SELENON: variants seen among roughly 807,000 people sequenced by gnomAD.
SELENON encodes selenoprotein N, 1.
In SELENON, 44 loss-of-function variants were observed where a neutral mutation model predicts 59.5. The observed-to-expected ratio is 0.74, with a 90% confidence interval of 0.58 to 0.95. The LOEUF (loss-of-function observed/expected upper bound fraction) is 0.95. SELENON is among the 40% of genes least tolerant of loss of function. SELENON has a pLI of 0.00. For synonymous variants in SELENON, 320 were observed against 305.6 expected (o/e 1.05, Z -0.49); for missense variants, 674 against 721.4 (o/e 0.93, Z 0.75).
intron 5 of SELENON, 78 bp downstream of exon 4, chr1:25,808,867 C>G: frequency 6.3e-7 from 1 of 1,585,378 alleles, no homozygotes; most frequent in Non-Finnish European, 8.7e-7. Flanking sequence ...GCGCCTGGAC[C>G]CCAGTGCCAG....
intron 8 of SELENON, 36 bp downstream of exon 7, chr1:25,811,571 G>A (rs756638447): frequency 1.6e-5 from 26 of 1,607,546 alleles, no homozygotes; most frequent in Admixed American, 1.2e-4. Context: ...AGGTGGGCTC[G>A]GCTGCAGGGC....
intron 4 of SELENON, among the ~76,000 whole-genome samples, chr1:25,808,073 CCT>C (rs2047922893): frequency 1.3e-5 from 2 of 152,212 alleles, no homozygotes; most frequent in South Asian, 4.1e-4. Flanking sequence ...AAACCGAAAC[CCT>C]GAGCTGGCCA....
chr1:25,815,731 G>A lies in SELENON; in HGVS notation c.*13G>A. Reference sequence around the variant, plus strand: ...CCTCCAGCCCTAGAGTGCCTGGACGGGATCTGATGCACAGGCCCCCACGCC... The same window carrying A: ...CCTCCAGCCCTAGAGTGCCTGGACGAGATCTGATGCACAGGCCCCCACGCC... On this transcript the variant is annotated 3_prime_UTR_variant, in exon 13 of 13. Coordinates refer to ENST00000361547, the MANE Select transcript of SELENON (RefSeq NM_020451.3). 6.2e-7 allele frequency: 1 copy of A among 1,613,100 alleles called. No individual in the cohort carries two copies. Among genetic ancestry groups the A allele is most frequent in the Non-Finnish European group, 8.5e-7 (1 of 1,179,860 alleles).
intron 3 of SELENON, among the ~76,000 whole-genome samples, chr1:25,803,164 T>C (rs2047874434): frequency 6.6e-6 from 1 of 152,256 alleles, no homozygotes; most frequent in Admixed American, 6.5e-5. Context: ...CCTGTACTTC[T>C]TGTTTTGCAT....
At chr1:25,803,678 T>C (rs1173002022) in intron 3 of SELENON, among the ~76,000 whole-genome samples, 1 of 151,164 alleles carries the variant, frequency 6.6e-6, no homozygotes, top group Non-Finnish European at 1.5e-5. Flanking sequence ...GGTGGGGGCA[T>C]CATCATTATT....
intron 3 of SELENON, among the ~76,000 whole-genome samples, chr1:25,803,503 T>C (rs1255728363): frequency 6.6e-6 from 1 of 152,176 alleles, no homozygotes; most frequent in African/African-American, 2.4e-5. Flanking sequence ...TGGGCAAATG[T>C]TACTCATAAG....
chr1:25,800,715 T>C (rs1221551295), intron 1 of SELENON, among the ~76,000 whole-genome samples: 1 of 149,956 alleles, frequency 6.7e-6, no homozygotes, highest in African/African-American at 2.5e-5. Context: ...AAAGGGTTAC[T>C]GGGGAGCCCT....
Position 25,803,300 on chromosome 1 carries a change from C to T in SELENON, c.403+1183C>T, listed in dbSNP as rs568424097. 3.3e-5 allele frequency among the ~76,000 whole-genome samples: 5 copies of T among 152,278 alleles called. No homozygotes were observed. The South Asian group carries it at 1.0e-3, about 32-fold the overall frequency. ...TAATTTTTTGCACAGAAATCTTTTT[C>T]TCCATCAGGGTAAAAGAATTCCCCC... On this transcript the variant is annotated intron_variant, in intron 3 of 12. Transcript: ENST00000361547.
Position 25,807,332 on chromosome 1 carries a change from G to A in SELENON, c.538-1248G>A, listed in dbSNP as rs1022070689. On this transcript the variant is annotated intron_variant, in intron 4 of 12. Coordinates refer to ENST00000361547, the MANE Select transcript of SELENON (RefSeq NM_020451.3). The surrounding 1 kb of genome is among the most constrained non-coding windows in gnomAD (Gnocchi z 4.5). Reference sequence around the variant, plus strand: ...ATACAGTAGGTGCATAAAACATTTTGTGGAATGAACAAATGAATAAACGTG... The same window carrying A: ...ATACAGTAGGTGCATAAAACATTTTATGGAATGAACAAATGAATAAACGTG... Among the ~76,000 whole-genome samples the A allele has an allele frequency of 2.0e-5, 3 of 152,206 alleles. No homozygotes were observed. Among genetic ancestry groups the A allele is most frequent in the Non-Finnish European group, 4.4e-5 (3 of 68,036 alleles).
Position 25,814,011 on chromosome 1 carries a change from AG to A in SELENON, c.1500+20del. 1.9e-6 allele frequency: 3 copies of A among 1,612,608 alleles called. No individual in the cohort carries two copies. Among genetic ancestry groups the A allele is most frequent in the Non-Finnish European group, 2.5e-6 (3 of 1,178,538 alleles). Reference sequence around the variant, plus strand: ...AACTGCAGGTGAGCGGGCAGGTGGCAGGAACAGGAGCGTCCGGAACAGTGGT... The same window carrying A: ...AACTGCAGGTGAGCGGGCAGGTGGCAGAACAGGAGCGTCCGGAACAGTGGT... On this transcript the variant is annotated intron_variant, in intron 11 of 12. Transcript: ENST00000361547.
At chr1:25,802,865 C>G (rs1030064518) in intron 3 of SELENON, among the ~76,000 whole-genome samples, 1 of 152,168 alleles carries the variant, frequency 6.6e-6, no homozygotes, top group African/African-American at 2.4e-5. Flanking sequence ...ACTTATTACC[C>G]AGATTGCCTG....
At chr1:25,809,173 C>T (rs1399106060) in intron 6 of SELENON, 23 bp downstream of exon 5, 1 of 1,613,308 alleles carries the variant, frequency 6.2e-7, no homozygotes, top group Non-Finnish European at 8.5e-7. Context: ...CACTGGCTGG[C>T]CTGGAGCACC....
chr1:25,808,637 G>A lies in SELENON; in HGVS notation c.595G>A (p.Ala199Thr), dbSNP rs1457525316. 3 of 1,613,804 alleles carry A rather than the reference G, an allele frequency of 1.9e-6. No individual in the cohort carries two copies. The highest frequency in any genetic ancestry group is 2.5e-6 in the Non-Finnish European group (3 of 1,179,932). ...CTGGACAGCCGCCGCCTCACCAAGT[G>A]CAGTGTTTGCCACCCGCCACTTCCA... The change falls in exon 5 of 13, where the codon GCA (alanine) becomes ACA (threonine). Residue 199 changes from alanine (A) to threonine (T), a missense_variant. Coordinates refer to ENST00000361547, the MANE Select transcript of SELENON (RefSeq NM_020451.3).
At position 25,805,220 on chromosome 1, in the gene SELENON, G is replaced by A. The variant is rs765749301; in HGVS notation, c.482G>A (p.Arg161Gln). The change falls in exon 4 of 13, where the codon CGA becomes CAA. Residue 161 changes from arginine (R) to glutamine (Q), a missense_variant. Physicochemically the swap from Arg to Gln is conservative, Grantham distance 43. Transcript: ENST00000361547. ...GAGGAGACGCTCACCATAGAAGCCC[G>A]ATTCCAGCCTCTGCTCCCGGAGACC... 2.8e-5 allele frequency: 45 copies of A among 1,614,082 alleles called. 1 individual carries two copies. Among genetic ancestry groups the A allele is most frequent in the South Asian group, 1.5e-4 (14 of 91,090 alleles).
At chr1:25,800,701 T>G (rs2047853571) in intron 1 of SELENON, among the ~76,000 whole-genome samples, 1 of 149,862 alleles carries the variant, frequency 6.7e-6, no homozygotes, top group African/African-American at 2.5e-5. Context: ...TCCCGCAGAG[T>G]CTTAAAGGGT....
chr1:25,815,312 G>A (rs12121793), intron 12 of SELENON, among the ~76,000 whole-genome samples: 1 of 151,782 alleles, frequency 6.6e-6, no homozygotes, highest in Non-Finnish European at 1.5e-5. Context: ...ATGTTGGAAG[G>A]TGTTGGGTTT....
At position 25,807,167 on chromosome 1, in the gene SELENON, C is replaced by T. The variant is rs1401987860; in HGVS notation, c.538-1413C>T. Among the ~76,000 whole-genome samples the T allele has an allele frequency of 3.3e-5, 5 of 152,156 alleles. No homozygotes were observed. Among genetic ancestry groups the T allele is most frequent in the African/African-American group, 1.2e-4 (5 of 41,514 alleles). ...AGCCCCTTTCTTAACCTCATCGCTGCAGGTTCAGGGAGGGACAGAAATTCC... is the reference window on the plus strand; with the variant it reads ...AGCCCCTTTCTTAACCTCATCGCTGTAGGTTCAGGGAGGGACAGAAATTCC... On this transcript the variant is annotated intron_variant, in intron 4 of 12. Coordinates refer to ENST00000361547, the MANE Select transcript of SELENON (RefSeq NM_020451.3). This position sits in a 1 kb window ranked among gnomAD's most constrained non-coding sequence, Gnocchi z 4.5.
At chr1:25,800,509 G>A in intron 1 of SELENON, 96 bp downstream of exon 1, 1 of 644,474 alleles carries the variant, frequency 1.6e-6, no homozygotes, top group Non-Finnish European at 2.0e-6. Flanking sequence ...ACGAGTCGGG[G>A]GAGGCGGAGG....
At chr1:25,811,161 A>G (rs2047955981) in intron 7 of SELENON, among the ~76,000 whole-genome samples, 1 of 152,142 alleles carries the variant, frequency 6.6e-6, no homozygotes, top group South Asian at 2.1e-4. Flanking sequence ...CTCTGCTTCA[A>G]AGGGTCCTGG....
Sources: gnomAD v4.1 joint callset for allele counts (sites outside exome capture counted in the v4.1 genomes callset) on GRCh38, gnomAD v4.1.1 for gene constraint, Gnocchi (gnomAD v3.1) non-coding constraint, MANE v1.5 for transcripts, NCBI Gene and HGNC (gene_info 2026-07-23, HGNC 2026-07-21) for gene names.